Variants in ZFC3H1 observed in about 807,000 individuals in gnomAD.
ZFC3H1 encodes the protein zinc finger C3H1 domain-containing protein.
In ZFC3H1, 71 loss-of-function variants were observed where a neutral mutation model predicts 243.7. The observed-to-expected ratio is 0.29, with a 90% confidence interval of 0.24 to 0.36. ZFC3H1 has a LOEUF of 0.36. Ranked by LOEUF, ZFC3H1 falls within the 10% of genes least tolerant of loss-of-function variation. The pLI is 1.00. For synonymous variants in ZFC3H1, 838 were observed against 813.0 expected (o/e 1.03, Z -0.52); for missense variants, 1,966 against 2,317.1 (o/e 0.85, Z 3.11).
At chr12:71,617,089 C>G (rs927117865) in intron 27 of ZFC3H1, among the ~76,000 whole-genome samples, 2 of 152,050 alleles carry the variant, frequency 1.3e-5, no homozygotes, top group East Asian at 3.8e-4. Flanking sequence ...GAATTCAACT[C>G]CAGGTAAAAA....
At chr12:71,626,059 A>G (rs993085209) in intron 22 of ZFC3H1, among the ~76,000 whole-genome samples, 2 of 152,296 alleles carry the variant, frequency 1.3e-5, no homozygotes, top group African/African-American at 4.8e-5. Context: ...CCTCTTCACT[A>G]AATATTTTCT....
chr12:71,660,676 A>C (rs1398849062), intron 1 of ZFC3H1, among the ~76,000 whole-genome samples: 1 of 152,188 alleles, frequency 6.6e-6, no homozygotes, highest in Non-Finnish European at 1.5e-5. Flanking sequence ...TTTCTAATAC[A>C]GAATAAAAAT....
intron 7 of ZFC3H1, among the ~76,000 whole-genome samples, 191 bp from the exon 8 acceptor site, chr12:71,637,250 T>C (rs974858896): frequency 3.9e-5 from 6 of 152,152 alleles, no homozygotes; most frequent in Non-Finnish European, 7.3e-5. Flanking sequence ...GTGTTATTTT[T>C]ACAATTTTAA....
intron 24 of ZFC3H1, among the ~76,000 whole-genome samples, chr12:71,621,107 C>G (rs1880013682): frequency 6.6e-6 from 1 of 152,154 alleles, no homozygotes; most frequent in African/African-American, 2.4e-5. Context: ...TGACTCTACT[C>G]TCCCTTTTAC....
At position 71,663,823 on chromosome 12, in the gene ZFC3H1, C is replaced by G. The variant is rs975100140; in HGVS notation, c.-213G>C. On this transcript the variant is annotated 5_prime_UTR_variant, in exon 1 of 35. Transcript: ENST00000378743. ...AACCCAGTTCCCTTTCCTAGCGCCCCCTTGCTCCTCAGCGATCGGGGTTCT... is the reference window on the plus strand; with the variant it reads ...AACCCAGTTCCCTTTCCTAGCGCCCGCTTGCTCCTCAGCGATCGGGGTTCT... 8.4e-6 allele frequency: 5 copies of G among 596,946 alleles called. No homozygotes were observed. Among genetic ancestry groups the G allele is most frequent in the Non-Finnish European group, 1.5e-5 (5 of 341,854 alleles). 37.0% of individuals were successfully genotyped at this position (596,946 alleles called of 1,614,324 possible).
At chr12:71,639,451 C>T in intron 6 of ZFC3H1, 1 of 222,586 alleles carries the variant, frequency 4.5e-6, no homozygotes, top group South Asian at 5.5e-5. Context: ...TGTTCTGCCC[C>T]ATGAACATTT....
At position 71,663,352 on chromosome 12, in the gene ZFC3H1, A is replaced by T; in HGVS notation, c.259T>A (p.Ser87Thr). ...SSSQQQLRNF[S>T]RSRHASERGH... Reference sequence around the variant, plus strand: ...CGCTCAGACGCGTGCCGCGAGCGTGAGAAATTCCTCAGCTGCTGCTGAGAA... The same window carrying T: ...CGCTCAGACGCGTGCCGCGAGCGTGTGAAATTCCTCAGCTGCTGCTGAGAA... Residue 87 changes from serine (S) to threonine (T), a missense_variant, in exon 1 of 35, where the codon TCA becomes ACA. By Grantham distance (58) the Ser-to-Thr change is moderately conservative (BLOSUM62 1). Coordinates refer to ENST00000378743, the MANE Select transcript of ZFC3H1 (RefSeq NM_144982.5). 6.2e-7 allele frequency: 1 copy of T among 1,613,200 alleles called. No homozygotes were observed. The highest frequency in any genetic ancestry group is 8.5e-7 in the Non-Finnish European group (1 of 1,180,036).
Position 71,663,037 on chromosome 12 carries a change from C to G in ZFC3H1, c.574G>C (p.Glu192Gln). ...SGFSSSQSWR[E>Q]PSPPRKSSKS... ...CAGCTCTTCCGAGGTGGAGAGGGCT[C>G]TCGCCAGCTCTGACTGCTGCTGAAC... The change falls in exon 1 of 35, where the codon GAG becomes CAG. Residue 192 changes from glutamate (E) to glutamine (Q), a missense_variant. Transcript: ENST00000378743. 1 of 1,609,740 alleles carries G rather than the reference C, an allele frequency of 6.2e-7. No individual in the cohort carries two copies. The highest frequency in any genetic ancestry group is 8.5e-7 in the Non-Finnish European group (1 of 1,178,260).
chr12:71,648,988 G>A (rs1257552776), intron 2 of ZFC3H1, among the ~76,000 whole-genome samples: 2 of 151,706 alleles, frequency 1.3e-5, no homozygotes, highest in African/African-American at 4.8e-5. Flanking sequence ...CTACTCGGAA[G>A]GCTGAGGCAG....
intron 22 of ZFC3H1, 48 bp from the exon 23 acceptor site, chr12:71,624,340 C>A: frequency 6.7e-7 from 1 of 1,502,094 alleles, no homozygotes; most frequent in East Asian, 2.3e-5. Flanking sequence ...CAGGAATAAA[C>A]CAAAACTACA....
Position 71,642,569 on chromosome 12 carries a change from C to A in ZFC3H1, c.1504-10G>T, listed in dbSNP as rs1181599749. ...GGTCAGGATCTGAAGACTAAGTATA[C>A]AACACTTTTTTAGTTTCAAAGCATT... On this transcript the variant is annotated splice_polypyrimidine_tract_variant and intron_variant, in intron 5 of 34. Transcript: ENST00000378743. 2.5e-6 allele frequency: 4 copies of A among 1,593,214 alleles called. No individual in the cohort carries two copies. Among genetic ancestry groups the A allele is most frequent in the Admixed American group, 3.6e-5 (2 of 56,044 alleles).
chr12:71,625,371 A>C (rs548691267), intron 22 of ZFC3H1, among the ~76,000 whole-genome samples: 1 of 152,310 alleles, frequency 6.6e-6, no homozygotes, highest in South Asian at 2.1e-4. Flanking sequence ...AAGTGGATCA[A>C]TTATAATTTT....
chr12:71,661,353 C>G (rs1044312958), intron 1 of ZFC3H1, among the ~76,000 whole-genome samples: 17 of 151,968 alleles, frequency 1.1e-4, no homozygotes, highest in South Asian at 4.2e-4. Flanking sequence ...GCTTAAATAG[C>G]CTTTCTGGCT....
At chr12:71,644,528 A>G (rs570069166) in intron 4 of ZFC3H1, among the ~76,000 whole-genome samples, 1 of 152,352 alleles carries the variant, frequency 6.6e-6, no homozygotes, top group South Asian at 2.1e-4. Flanking sequence ...AAATTCAACT[A>G]AAAGAATTTA....
intron 2 of ZFC3H1, among the ~76,000 whole-genome samples, chr12:71,648,335 G>C (rs1880778485): frequency 6.6e-6 from 1 of 152,126 alleles, no homozygotes; most frequent in South Asian, 2.1e-4. Context: ...ATTTTTTCCA[G>C]ATATCTAGCC....
chr12:71,658,017 A>G (rs931049955), intron 1 of ZFC3H1, among the ~76,000 whole-genome samples: 4 of 152,050 alleles, frequency 2.6e-5, no homozygotes, highest in African/African-American at 9.7e-5. Context: ...AACACTTTAA[A>G]ATAGTACTCA....
chr12:71,638,666 C>A, intron 6 of ZFC3H1, 151 bp from the exon 7 acceptor site: 1 of 605,462 alleles, frequency 1.7e-6, no homozygotes, highest in Non-Finnish European at 2.8e-6. Flanking sequence ...CCTCATGAGT[C>A]CACCTCCAGC....
chr12:71,611,312 G>C, intron 32 of ZFC3H1: 2 of 326,876 alleles, frequency 6.1e-6, no homozygotes, highest in Non-Finnish European at 1.1e-5. Context: ...GAAAAAAGCA[G>C]ACCAGTGTTT....
At chr12:71,617,025 T>C (rs1879908724) in intron 27 of ZFC3H1, among the ~76,000 whole-genome samples, 1 of 152,196 alleles carries the variant, frequency 6.6e-6, no homozygotes, top group Admixed American at 6.5e-5. Context: ...AATTACCCTA[T>C]CTAGTTCTTT....
Sources: allele counts gnomAD v4.1 joint callset (sites outside exome capture counted in the v4.1 genomes callset), GRCh38; gene constraint gnomAD v4.1.1; transcripts MANE v1.5; gene names NCBI Gene and HGNC (gene_info 2026-07-23, HGNC 2026-07-21).